NAV2: variants seen among roughly 807,000 people sequenced by gnomAD.
NAV2 encodes the protein neuron navigator 2.
Under a neutral mutation model 223.2 loss-of-function variants are expected in NAV2, and 54 were observed. The ratio of observed to expected loss-of-function variants is 0.24; its 90% CI spans 0.19 to 0.30. The LOEUF is 0.30. Ranked by LOEUF, NAV2 falls within the 10% of genes least tolerant of loss-of-function variation. The probability of loss-of-function intolerance (pLI) is 1.00; values close to 1 mark genes in which losing one functional copy is unlikely to be tolerated. For missense variants in NAV2, 2,806 were observed against 3,147.5 expected (o/e 0.89, Z 2.60); for synonymous variants, 1,279 against 1,239.3 (o/e 1.03, Z -0.67).
intron 1 of NAV2, among the ~76,000 whole-genome samples, chr11:19,772,704 A>AT (rs1445517874): frequency 1.3e-5 from 2 of 152,162 alleles, no homozygotes; most frequent in Non-Finnish European, 2.9e-5. Context: ...AAAAGCTGAC[A>AT]TCCCCCCATC....
intron 1 of NAV2, among the ~76,000 whole-genome samples, chr11:19,595,981 C>G (rs1371299743): frequency 6.6e-6 from 1 of 152,188 alleles, no homozygotes; most frequent in South Asian, 2.1e-4. Flanking sequence ...TAAAACAATA[C>G]TCATCTGTAC....
intron 11 of NAV2, among the ~76,000 whole-genome samples, chr11:20,032,763 G>A (rs989962656): frequency 6.6e-6 from 1 of 152,224 alleles, no homozygotes; most frequent in Non-Finnish European, 1.5e-5. Flanking sequence ...ATTGGGCAGG[G>A]AGCTGGGCTT....
At chr11:19,900,955 A>C (rs1434623630) in intron 6 of NAV2, among the ~76,000 whole-genome samples, 1 of 152,210 alleles carries the variant, frequency 6.6e-6, no homozygotes, top group Non-Finnish European at 1.5e-5. Flanking sequence ...TGAAGTGGCA[A>C]CAGGCTTCTA....
At chr11:19,961,325 A>C (rs1310218190) in intron 10 of NAV2, among the ~76,000 whole-genome samples, 1 of 152,198 alleles carries the variant, frequency 6.6e-6, no homozygotes, top group Admixed American at 6.5e-5. Flanking sequence ...AAGGGCCAGC[A>C]GCTACAGAGT....
intron 5 of NAV2, among the ~76,000 whole-genome samples, chr11:19,888,121 C>T (rs190273135): frequency 1.3e-4 from 20 of 152,322 alleles, no homozygotes; most frequent in Admixed American, 1.1e-3. Flanking sequence ...CCACCGCTTA[C>T]ACCACTTCCC....
At chr11:19,378,312 C>T (rs889149846) in intron 1 of NAV2, among the ~76,000 whole-genome samples, 2 of 152,116 alleles carry the variant, frequency 1.3e-5, no homozygotes, top group African/African-American at 4.8e-5. Context: ...GTCGTCACCA[C>T]CTTGGGGTAT....
intron 1 of NAV2, among the ~76,000 whole-genome samples, chr11:19,809,826 T>C (rs1257119036): frequency 1.3e-5 from 2 of 152,204 alleles, no homozygotes; most frequent in African/African-American, 4.8e-5. Flanking sequence ...GCTTTTCCCC[T>C]AATTAGACTG....
Position 19,880,134 on chromosome 11 carries a change from G to A in NAV2, c.770+7G>A, listed in dbSNP as rs372116769. The A allele has an allele frequency of 3.8e-6, 6 of 1,563,452 alleles. No individual in the cohort carries two copies. Among genetic ancestry groups the A allele is most frequent in the Non-Finnish European group, 5.2e-6 (6 of 1,153,848 alleles). Reference sequence around the variant, plus strand: ...AAGCTGAAATGCAGTCCAGGTGGGGGCTCCTTGCCAACTGATGGTTCTGTT... The same window carrying A: ...AAGCTGAAATGCAGTCCAGGTGGGGACTCCTTGCCAACTGATGGTTCTGTT... On this transcript the variant is annotated splice_region_variant and intron_variant, in intron 5 of 37. Coordinates refer to ENST00000349880, the MANE Select transcript of NAV2 (RefSeq NM_145117.5).
At chr11:19,367,186 A>G (rs1341634131) in intron 1 of NAV2, among the ~76,000 whole-genome samples, 1 of 152,162 alleles carries the variant, frequency 6.6e-6, no homozygotes, top group Non-Finnish European at 1.5e-5. Flanking sequence ...TCCCTCTGCC[A>G]AGAACAACCG....
At chr11:19,833,086 G>A (rs1215846497) in intron 2 of NAV2, among the ~76,000 whole-genome samples, 1 of 152,240 alleles carries the variant, frequency 6.6e-6, no homozygotes, top group Admixed American at 6.5e-5. Flanking sequence ...TAGGGGAAGG[G>A]AACTTGAGCA....
At chr11:20,107,427 A>G in intron 35 of NAV2, 2 of 546,482 alleles carry the variant, frequency 3.7e-6, no homozygotes, top group Non-Finnish European at 6.5e-6. Flanking sequence ...CACAGTGAGC[A>G]TCTTCCCCAT....
intron 1 of NAV2, among the ~76,000 whole-genome samples, chr11:19,608,679 T>A (rs2046546985): frequency 6.6e-6 from 1 of 152,272 alleles, no homozygotes. Context: ...GAAATACTCC[T>A]GTAAGAAACA....
At chr11:19,514,390 C>T (rs577630696) in intron 1 of NAV2, among the ~76,000 whole-genome samples, 2 of 152,260 alleles carry the variant, frequency 1.3e-5, no homozygotes, top group Admixed American at 6.5e-5. Flanking sequence ...TTTAACATTG[C>T]GGTTTTTCTG....
intron 3 of NAV2, among the ~76,000 whole-genome samples, chr11:19,868,183 C>A (rs1405478279): frequency 6.6e-6 from 1 of 152,168 alleles, no homozygotes; most frequent in African/African-American, 2.4e-5. Flanking sequence ...AAAGCAATTT[C>A]TTTTACTTAT....
intron 1 of NAV2, among the ~76,000 whole-genome samples, chr11:19,661,735 A>T (rs564506314): frequency 4.7e-4 from 72 of 152,342 alleles, no homozygotes; most frequent in African/African-American, 1.6e-3. Context: ...GTAGAGTCTG[A>T]CATTCAATAC....
chr11:19,494,534 T>G (rs1474742201), intron 1 of NAV2, among the ~76,000 whole-genome samples: 1 of 152,234 alleles, frequency 6.6e-6, no homozygotes, highest in Non-Finnish European at 1.5e-5. Flanking sequence ...ATGCCACACA[T>G]ATCATTGTAG....
intron 16 of NAV2, among the ~76,000 whole-genome samples, 172 bp downstream of exon 16, chr11:20,050,073 G>T (rs1308208158): frequency 6.6e-5 from 10 of 152,168 alleles, no homozygotes; most frequent in African/African-American, 2.2e-4. Context: ...TCCTCTGTCT[G>T]CTAAAGCCCA....
At chr11:19,946,879 T>A (rs1174825946) in intron 9 of NAV2, among the ~76,000 whole-genome samples, 1 of 152,196 alleles carries the variant, frequency 6.6e-6, no homozygotes, top group Non-Finnish European at 1.5e-5. Flanking sequence ...TACCCAATCT[T>A]CTGATATGCA....
chr11:19,954,383 T>C (rs2047654529), intron 10 of NAV2, among the ~76,000 whole-genome samples: 1 of 152,122 alleles, frequency 6.6e-6, no homozygotes, highest in South Asian at 2.1e-4. Context: ...TCTTCAGAAA[T>C]TGAGGAACTC....
Sources: allele counts gnomAD v4.1 joint callset (sites outside exome capture counted in the v4.1 genomes callset), GRCh38; gene constraint gnomAD v4.1.1; transcripts MANE v1.5; gene names NCBI Gene and HGNC (gene_info 2026-07-23, HGNC 2026-07-21).